CDIN1: variants seen among roughly 807,000 people sequenced by gnomAD.
CDIN1 encodes the protein CDAN1 interacting nuclease 1.
A neutral mutation model predicts 45.3 loss-of-function variants in CDIN1; 33 were observed. That is an observed-to-expected ratio of 0.73 (90% CI 0.55 to 0.97). CDIN1 has a LOEUF of 0.97. Among genes scored for constraint, CDIN1 ranks in the 50% least tolerant of loss-of-function variants. The pLI is 0.00. For missense variants in CDIN1, 303 were observed against 339.4 expected, an observed-to-expected ratio of 0.89 and a Z score of 0.84; for synonymous variants, 118 against 124.4, an observed-to-expected ratio of 0.95 and a Z score of 0.34.
intron 3 of CDIN1, among the ~76,000 whole-genome samples, chr15:36,647,940 C>T (rs1036212955): frequency 9.9e-5 from 15 of 151,612 alleles, no homozygotes; most frequent in Admixed American, 3.9e-4. Flanking sequence ...CCCGGGCTCA[C>T]GCCATTCTCC....
chr15:36,678,518 T>A (rs2041730089), intron 5 of CDIN1, among the ~76,000 whole-genome samples: 1 of 152,190 alleles, frequency 6.6e-6, no homozygotes, highest in Non-Finnish European at 1.5e-5. Flanking sequence ...GCTGTTCAGT[T>A]GCAGAGTCTG....
intron 1 of CDIN1, among the ~76,000 whole-genome samples, chr15:36,622,129 T>C (rs1321545999): frequency 6.6e-6 from 1 of 152,258 alleles, no homozygotes; most frequent in African/African-American, 2.4e-5. Flanking sequence ...TCTTTCATCA[T>C]GGTGTCACCT....
chr15:36,607,201 C>T (rs2038417968), intron 1 of CDIN1, among the ~76,000 whole-genome samples: 1 of 152,118 alleles, frequency 6.6e-6, no homozygotes. Flanking sequence ...CCATTGTTTC[C>T]AGTCTTATAA....
At chr15:36,753,095 G>A (rs566400202) in intron 10 of CDIN1, among the ~76,000 whole-genome samples, 9 of 152,264 alleles carry the variant, frequency 5.9e-5, no homozygotes, top group Non-Finnish European at 8.8e-5. Flanking sequence ...CAAGCCTTTC[G>A]CATGATTCAA....
chr15:36,626,794 G>A (rs1595385961), intron 1 of CDIN1: 1 of 310,196 alleles, frequency 3.2e-6, no homozygotes, highest in Non-Finnish European at 6.3e-6. Flanking sequence ...TGGGGGTCAG[G>A]GTTGCTATAG....
chr15:36,644,399 TG>T, intron 2 of CDIN1, 76 bp downstream of exon 2: 1 of 1,456,038 alleles, frequency 6.9e-7, no homozygotes, highest in Non-Finnish European at 9.5e-7. Flanking sequence ...TCTTTGTAAT[TG>T]AACTGCCAGC....
chr15:36,743,336 T>A (rs1412452273), intron 10 of CDIN1, among the ~76,000 whole-genome samples: 2 of 152,118 alleles, frequency 1.3e-5, no homozygotes, highest in African/African-American at 4.8e-5. Flanking sequence ...CTTAGCAAAG[T>A]CATAGAGTAG....
chr15:36,646,090 T>C (rs901444447), intron 3 of CDIN1, among the ~76,000 whole-genome samples: 1 of 152,182 alleles, frequency 6.6e-6, no homozygotes, highest in Non-Finnish European at 1.5e-5. Flanking sequence ...CAGGGGCACA[T>C]TGGCAATGAA....
intron 5 of CDIN1, among the ~76,000 whole-genome samples, chr15:36,666,659 C>T (rs187146581): frequency 6.6e-6 from 1 of 152,284 alleles, no homozygotes; most frequent in Non-Finnish European, 1.5e-5. Context: ...TATGCACTTT[C>T]AGTTTTCTTT....
chr15:36,769,708 C>G (rs1358040684), intron 10 of CDIN1, among the ~76,000 whole-genome samples: 1 of 152,058 alleles, frequency 6.6e-6, no homozygotes, highest in Admixed American at 6.6e-5. Context: ...TATTAAGTAC[C>G]TTCCTCAAGG....
chr15:36,728,010 A>G (rs1752617442), intron 10 of CDIN1, among the ~76,000 whole-genome samples: 1 of 152,204 alleles, frequency 6.6e-6, no homozygotes, highest in African/African-American at 2.4e-5. Context: ...CATGCTAAGA[A>G]TTACTGTATG....
chr15:36,620,300 G>T lies in CDIN1; in HGVS notation c.102-23978G>T, dbSNP rs1020191378. Among the ~76,000 whole-genome samples the T allele has an allele frequency of 5.3e-5, 8 of 152,136 alleles. No homozygotes were observed. In the East Asian group the frequency reaches 9.7e-4, roughly 18 times the overall value. On this transcript the variant is annotated intron_variant, in intron 1 of 10. Transcript: ENST00000566621. ...CGGGGGGCGGAGCTTGCAGTGAGCC[G>T]AGATGGCGCCACCGCACTCCAGCCT...
chr15:36,734,005 G>A (rs2043925496), intron 10 of CDIN1, among the ~76,000 whole-genome samples: 1 of 152,046 alleles, frequency 6.6e-6, no homozygotes, highest in African/African-American at 2.4e-5. Flanking sequence ...TCTTATCCTA[G>A]ATGAGAAAAA....
rs1419596283 is a variant in CDIN1 at position 36,727,074 on chromosome 15, T to G, written c.716+17113T>G. ...TTCTTTCATTGTGGTGAGAAAAAAA[T>G]ATATTCTATCAATTATTTTAAAAAG... On this transcript the variant is annotated intron_variant, in intron 10 of 10. Coordinates refer to ENST00000566621, the MANE Select transcript of CDIN1 (RefSeq NM_001321759.2). Among the ~76,000 whole-genome samples, 7 of 152,036 alleles carry G rather than the reference T, an allele frequency of 4.6e-5. No homozygotes were observed. The East Asian group carries it at 1.3e-3, about 29-fold the overall frequency.
At chr15:36,609,433 T>C (rs1362789529) in intron 1 of CDIN1, among the ~76,000 whole-genome samples, 1 of 152,136 alleles carries the variant, frequency 6.6e-6, no homozygotes, top group Non-Finnish European at 1.5e-5. Flanking sequence ...ATAACTATAA[T>C]TGTAAAGAAT....
intron 10 of CDIN1, among the ~76,000 whole-genome samples, chr15:36,771,538 A>C (rs2054077292): frequency 6.6e-6 from 1 of 152,226 alleles, no homozygotes. Flanking sequence ...AAGGAGGCTC[A>C]CTGGTTGCTT....
Position 36,585,348 on chromosome 15 carries a change from G to A in CDIN1, c.101+5387G>A, listed in dbSNP as rs558943165. On this transcript the variant is annotated intron_variant, in intron 1 of 10. Coordinates refer to ENST00000566621, the MANE Select transcript of CDIN1 (RefSeq NM_001321759.2). The stretch of plus-strand genomic sequence containing the variant: ...TTTTTTCACTGATGTCCCTTTTCTA[G>A]GATCACACGTTGGATTTAATTGTAA... Among the ~76,000 whole-genome samples the A allele has an allele frequency of 3.9e-5, 6 of 152,246 alleles. No individual in the cohort carries two copies. In the South Asian group the frequency reaches 1.2e-3, roughly 32 times the overall value.
At chr15:36,722,985 G>GTGTTTT (rs111713255) in intron 10 of CDIN1, among the ~76,000 whole-genome samples, 1 of 119,074 alleles carries the variant, frequency 8.4e-6, no homozygotes, top group African/African-American at 2.8e-5. Flanking sequence ...GTGTGTGTGT[G>GTGTTTT]TTTCTCTCTC....
intron 10 of CDIN1, among the ~76,000 whole-genome samples, chr15:36,797,197 C>T (rs2054828816): frequency 6.6e-6 from 1 of 152,166 alleles, no homozygotes; most frequent in African/African-American, 2.4e-5. Flanking sequence ...AAATACAGTT[C>T]ACTTTAATAG....
Sources: gnomAD v4.1 joint callset for allele counts (sites outside exome capture counted in the v4.1 genomes callset) on GRCh38, gnomAD v4.1.1 for gene constraint, MANE v1.5 for transcripts, NCBI Gene and HGNC (gene_info 2026-07-23, HGNC 2026-07-21) for gene names.